NPHP3: variants seen among roughly 807,000 people sequenced by gnomAD.
The protein encoded by NPHP3 is nephrocystin 3.
A neutral mutation model predicts 171.9 loss-of-function variants in NPHP3; 123 were observed. That is an observed-to-expected ratio of 0.72 (90% CI 0.62 to 0.83). The LOEUF (loss-of-function observed/expected upper bound fraction) is 0.83, where lower values mean the gene tolerates loss of function less well. Ranked by LOEUF, NPHP3 falls within the 40% of genes least tolerant of loss-of-function variation. The pLI, the probability that NPHP3 is intolerant of heterozygous loss-of-function variation, is 0.00. For missense variants in NPHP3, 1,506 were observed against 1,591.9 expected (o/e 0.95, Z 0.92); for synonymous variants, 558 against 579.2 (o/e 0.96, Z 0.52).
intron 5 of NPHP3, among the ~76,000 whole-genome samples, chr3:132,714,553 G>A (rs1049410851): frequency 1.9e-4 from 25 of 135,030 alleles, no homozygotes; most frequent in Non-Finnish European, 3.9e-4. Flanking sequence ...CACTTTCTCT[G>A]CAAAAAAAAA....
At position 132,682,779 on chromosome 3, in the gene NPHP3, A is replaced by G. The variant is rs1029373717; in HGVS notation, c.3736T>C (p.Leu1246=). 1 of 1,612,992 alleles carries G rather than the reference A, an allele frequency of 6.2e-7. No individual in the cohort carries two copies. The highest frequency in any genetic ancestry group is 8.5e-7 in the Non-Finnish European group (1 of 1,178,980). ...CCCAGGCTATCTTCATAAATCTTTA[A>G]TGCTCTTTCATATAATGGCAAAGCT... ...VEALPLYERA[L]KIYEDSLGRM... Residue 1246 remains leucine (L), a synonymous_variant, in exon 26 of 27, where the codon TTA becomes CTA. Transcript: ENST00000337331.
intron 1 of NPHP3, chr3:132,721,327 T>C (rs1940210242): frequency 6.4e-6 from 1 of 157,372 alleles, no homozygotes; most frequent in Non-Finnish European, 1.4e-5. Flanking sequence ...TGACTACATC[T>C]AGAGAAGGTT....
chr3:132,695,635 T>G (rs1436984829), intron 15 of NPHP3, among the ~76,000 whole-genome samples: 1 of 152,030 alleles, frequency 6.6e-6, no homozygotes, highest in Non-Finnish European at 1.5e-5. Context: ...AAAAGGACAG[T>G]GGAAATATCA....
chr3:132,683,407 T>C lies in NPHP3; in HGVS notation c.3688A>G (p.Ser1230Gly), dbSNP rs1939080032. 1.2e-6 allele frequency: 2 copies of C among 1,613,082 alleles called. No homozygotes were observed. The highest frequency in any genetic ancestry group is 2.2e-5 in the South Asian group (2 of 91,058). The change falls in exon 25 of 27, where the codon AGC becomes GGC. Residue 1230 changes from serine (S) to glycine (G), a missense_variant. Physicochemically the swap from Ser to Gly is moderately conservative, Grantham distance 56 (BLOSUM62 0). Coordinates refer to ENST00000337331, the MANE Select transcript of NPHP3 (RefSeq NM_153240.5). ...AAAATATGGGAACTTACCATTTGGC[T>C]ATAAAGAACAGCTAAGTTCACCAAG... The part of the protein sequence containing the change: ...TALVNLAVLY[S>G]QMKKHVEALP...
intron 24 of NPHP3, among the ~76,000 whole-genome samples, chr3:132,683,957 C>T (rs995313314): frequency 6.6e-6 from 1 of 152,154 alleles, no homozygotes; most frequent in Non-Finnish European, 1.5e-5. Flanking sequence ...GTCAGGATGA[C>T]CAGTAATGGA....
intron 10 of NPHP3, among the ~76,000 whole-genome samples, chr3:132,700,766 T>C (rs1459262468): frequency 6.6e-6 from 1 of 152,108 alleles, no homozygotes; most frequent in Admixed American, 6.5e-5. Flanking sequence ...GAGGAAAATT[T>C]GTTAGATACA....
chr3:132,716,637 G>A, intron 4 of NPHP3, 120 bp downstream of exon 4: 7 of 1,092,170 alleles, frequency 6.4e-6, no homozygotes, highest in East Asian at 4.8e-5. Flanking sequence ...TTTGTCAATG[G>A]AAAGCACTAG....
intron 26 of NPHP3, chr3:132,682,394 C>T (rs954657253): frequency 1.8e-6 from 1 of 548,700 alleles, no homozygotes; most frequent in Non-Finnish European, 3.2e-6. Flanking sequence ...AAGCAAAAGT[C>T]AACATATACT....
chr3:132,687,850 G>A (rs552956539), intron 21 of NPHP3, among the ~76,000 whole-genome samples: 32 of 152,232 alleles, frequency 2.1e-4, no homozygotes, highest in Non-Finnish European at 3.7e-4. Context: ...TTTCTATAAC[G>A]GGCTAGAGAG....
At chr3:132,695,137 GT>G in intron 15 of NPHP3, 172 bp from the exon 16 acceptor site, 1 of 609,114 alleles carries the variant, frequency 1.6e-6, no homozygotes, top group South Asian at 1.9e-5. Context: ...GAGTCATTGG[GT>G]TTATTTTACT....
rs1939034923 is a variant in NPHP3, at chr3:132,681,703, A to G, written c.*207T>C. On this transcript the variant is annotated 3_prime_UTR_variant, in exon 27 of 27. Transcript: ENST00000337331. ...ATGTGTCTACATCCTTGGATACCATATAATAGGAAAATTCTTTTAAACAAC... is the reference window on the plus strand; with the variant it reads ...ATGTGTCTACATCCTTGGATACCATGTAATAGGAAAATTCTTTTAAACAAC... 1.7e-6 allele frequency: 1 copy of G among 577,946 alleles called. No homozygotes were observed. The highest frequency in any genetic ancestry group is 3.1e-6 in the Non-Finnish European group (1 of 323,780). 35.8% of individuals were successfully genotyped at this position (577,946 alleles called of 1,614,324 possible).
intron 8 of NPHP3, 109 bp downstream of exon 8, chr3:132,705,631 G>A (rs996307662): frequency 9.3e-6 from 6 of 646,860 alleles, no homozygotes; most frequent in Non-Finnish European, 1.7e-5. Flanking sequence ...GCCTTCCTCA[G>A]GTACTGTGTT....
Position 132,682,077 on chromosome 3 carries a change from C to G in NPHP3, c.3826G>C (p.Asp1276His). 1 of 1,613,848 alleles carries G rather than the reference C, an allele frequency of 6.2e-7. No homozygotes were observed. The highest frequency in any genetic ancestry group is 8.5e-7 in the Non-Finnish European group (1 of 1,179,834). ...TATAATTCAGCAGCTTTTTCAAAAT[C>G]TCCTCCTTCATAGCTTTGAGAGAGA... ...NLAVLSYEGGDFEKAAELYKR... is the reference protein window; with the variant it reads ...NLAVLSYEGGHFEKAAELYKR... The change falls in exon 27 of 27, where the codon GAT (aspartate) becomes CAT (histidine). Residue 1276 changes from aspartate to histidine, a missense_variant. Coordinates refer to ENST00000337331, the MANE Select transcript of NPHP3 (RefSeq NM_153240.5).
chr3:132,682,321 A>T, intron 26 of NPHP3: 1 of 576,952 alleles, frequency 1.7e-6, no homozygotes, highest in Non-Finnish European at 3.1e-6. Flanking sequence ...GTTGTAATAG[A>T]GGCAGTGAAA....
Position 132,682,344 on chromosome 3 carries a change from G to C in NPHP3, c.3813-254C>G, listed in dbSNP as rs541920616. 1.6e-5 allele frequency: 9 copies of C among 563,656 alleles called. No individual in the cohort carries two copies. In the South Asian group the frequency reaches 1.9e-4, roughly 12 times the overall value. The allele number at this position is 563,656 out of a possible 1,614,324, so 34.9% of individuals were successfully genotyped here. ...AGAGGCAGTGAAATTGCTAAGCAAA[G>C]TTAGGTATTCTCTGCATCCTGAGAA... On this transcript the variant is annotated intron_variant, in intron 26 of 26. Transcript: ENST00000337331.
At chr3:132,684,431 A>G in intron 24 of NPHP3, 123 bp downstream of exon 24, 1 of 910,600 alleles carries the variant, frequency 1.1e-6, no homozygotes, top group Non-Finnish European at 1.7e-6. Context: ...TAAAAGTTAA[A>G]TCATGATTTT....
At chr3:132,711,109 T>C (rs1281372641) in intron 6 of NPHP3, among the ~76,000 whole-genome samples, 1 of 152,220 alleles carries the variant, frequency 6.6e-6, no homozygotes, top group African/African-American at 2.4e-5. Context: ...GCTTCCAAGC[T>C]GCTCAGGAGA....
rs1940017577 is a variant in NPHP3, at chr3:132,715,210, C to T, written c.832G>A (p.Asp278Asn). The change falls in exon 5 of 27, where the codon GAT becomes AAT. Residue 278 changes from aspartate (D) to asparagine (N), a missense_variant. Physicochemically the swap from Asp to Asn is conservative, Grantham distance 23. This residue lies in a region of NPHP3 where 930 missense variants were observed against 924.9 expected (regional missense o/e 1.01). Coordinates refer to ENST00000337331, the MANE Select transcript of NPHP3 (RefSeq NM_153240.5). ...PFANVNRDDW[D>N]IAVASLLQVT... Reference sequence around the variant, plus strand: ...TGTAATAAACTAGCTACAGCAATATCCCAGTCATCTGAAAATAAAATTTCT... The same window carrying T: ...TGTAATAAACTAGCTACAGCAATATTCCAGTCATCTGAAAATAAAATTTCT... The T allele has an allele frequency of 6.2e-7, 1 of 1,611,612 alleles. No homozygotes were observed. The highest frequency in any genetic ancestry group is 1.3e-5 in the African/African-American group (1 of 74,946).
chr3:132,711,172 G>A lies in NPHP3; in HGVS notation c.1118+1954C>T, dbSNP rs371354434. 3.9e-5 allele frequency among the ~76,000 whole-genome samples: 6 copies of A among 152,272 alleles called. No homozygotes were observed. In the East Asian group the frequency reaches 5.8e-4, roughly 15 times the overall value. ...GGATGGGGTAGTCATCAGGGTAGGCGAAGGAAAAATCTGAAACAAAGGCTC... is the reference window on the plus strand; with the variant it reads ...GGATGGGGTAGTCATCAGGGTAGGCAAAGGAAAAATCTGAAACAAAGGCTC... On this transcript the variant is annotated intron_variant, in intron 6 of 26. Coordinates refer to ENST00000337331, the MANE Select transcript of NPHP3 (RefSeq NM_153240.5).
Sources: gnomAD v4.1 joint callset for allele counts (sites outside exome capture counted in the v4.1 genomes callset) on GRCh38, gnomAD v4.1.1 for gene constraint, gnomAD v4.1.1 regional missense constraint, MANE v1.5 for transcripts, NCBI Gene and HGNC (gene_info 2026-07-23, HGNC 2026-07-21) for gene names.